KCNMA1: variants seen among roughly 807,000 people sequenced by gnomAD.
KCNMA1 encodes Calcium-activated potassium channel subunit alpha-1.
KCNMA1 carries 29 observed loss-of-function variants against 140.0 expected under a neutral mutation model. The ratio of observed to expected loss-of-function variants is 0.21; its 90% CI spans 0.15 to 0.28. KCNMA1 has a LOEUF of 0.28. KCNMA1 is among the 10% of genes least tolerant of loss of function. KCNMA1 has a pLI of 1.00. For missense variants in KCNMA1, 880 were observed against 1,602.2 expected, an observed-to-expected ratio of 0.55 and a Z score of 7.70; for synonymous variants, 612 against 611.9, an observed-to-expected ratio of 1.00 and a Z score of 0.00.
intron 15 of KCNMA1, among the ~76,000 whole-genome samples, chr10:77,037,518 A>G (rs746692201): frequency 6.6e-6 from 1 of 152,166 alleles, no homozygotes; most frequent in Non-Finnish European, 1.5e-5. Flanking sequence ...TGACCCTTCA[A>G]GTTACCCATA....
At chr10:77,404,700 C>G (rs868365464) in intron 1 of KCNMA1, among the ~76,000 whole-genome samples, 4 of 152,136 alleles carry the variant, frequency 2.6e-5, no homozygotes, top group Middle Eastern at 3.2e-3. Flanking sequence ...CACAGCAGCA[C>G]CCCCACTTTC....
chr10:77,591,670 G>A (rs779572412), intron 1 of KCNMA1, among the ~76,000 whole-genome samples: 5 of 152,150 alleles, frequency 3.3e-5, no homozygotes, highest in Non-Finnish European at 5.9e-5. Context: ...CCACTAACTG[G>A]ACACCTGTGT....
rs1235406167 is a variant in KCNMA1, at chr10:76,877,740, C to G, written c.3578G>C (p.Ter1193SerextTer?). ...AAAATAGTTCTGGTCTCCTGGGAGT[C>G]AACATTCATCTTCAACTTCTCTGAT... The change falls in exon 30 of 30, where the codon TGA (stop) becomes TCA (serine). Residue 1193 changes from the stop codon to serine, a stop_lost. Transcript: ENST00000372403. 5 of 1,552,440 alleles carry G rather than the reference C, an allele frequency of 3.2e-6. No homozygotes were observed. In the Admixed American group the frequency reaches 9.8e-5, roughly 30 times the overall value.
At chr10:77,363,866 GC>G (rs2094163243) in intron 2 of KCNMA1, among the ~76,000 whole-genome samples, 1 of 152,050 alleles carries the variant, frequency 6.6e-6, no homozygotes, top group South Asian at 2.1e-4. Context: ...TCCCACTCCT[GC>G]CCCCTTCTCT....
intron 1 of KCNMA1, among the ~76,000 whole-genome samples, chr10:77,573,083 G>A (rs1567631921): frequency 6.6e-6 from 1 of 152,132 alleles, no homozygotes; most frequent in Non-Finnish European, 1.5e-5. Context: ...GGGACTTCAG[G>A]TTGGGAATGA....
chr10:77,330,379 G>A (rs552028153), intron 2 of KCNMA1, among the ~76,000 whole-genome samples: 18 of 152,096 alleles, frequency 1.2e-4, no homozygotes, highest in South Asian at 2.1e-4. Flanking sequence ...AGGAGCCCAC[G>A]GGGCTCACAC....
chr10:76,996,198 G>A (rs1021133943), intron 19 of KCNMA1, among the ~76,000 whole-genome samples: 11 of 152,170 alleles, frequency 7.2e-5, no homozygotes, highest in African/African-American at 2.7e-4. Context: ...GCGATGTAAA[G>A]GATCCTTCTC....
chr10:77,004,213 CCACACACACA>C (rs35789536), intron 18 of KCNMA1, among the ~76,000 whole-genome samples: 18 of 144,366 alleles, frequency 1.2e-4, no homozygotes, highest in African/African-American at 2.3e-4. Flanking sequence ...ACAAGTGCCA[CCACACACACA>C]CACACACACA....
chr10:77,213,569 C>G (rs768944672), intron 3 of KCNMA1, among the ~76,000 whole-genome samples: 2 of 152,158 alleles, frequency 1.3e-5, no homozygotes, highest in African/African-American at 2.4e-5. Flanking sequence ...TGATCACACA[C>G]ACAATTACAA....
intron 2 of KCNMA1, among the ~76,000 whole-genome samples, chr10:77,369,724 T>C (rs896359467): frequency 3.9e-5 from 6 of 152,126 alleles, no homozygotes; most frequent in Non-Finnish European, 8.8e-5. Context: ...CCTGCTCTCT[T>C]TTTGGAAGTC....
At chr10:77,521,819 G>A (rs2053499800) in intron 1 of KCNMA1, among the ~76,000 whole-genome samples, 1 of 152,098 alleles carries the variant, frequency 6.6e-6, no homozygotes, top group Non-Finnish European at 1.5e-5. Context: ...CCTAGTGGGT[G>A]GTTATCACTT....
chr10:77,425,661 T>TGCTGACAACAGG (rs2154490538), intron 1 of KCNMA1, among the ~76,000 whole-genome samples: 1 of 152,340 alleles, frequency 6.6e-6, no homozygotes, highest in South Asian at 2.1e-4. Context: ...GGACTTCTGC[T>TGCTGACAACAGG]GCTGACAACA....
At chr10:77,540,753 C>T (rs776826488) in intron 1 of KCNMA1, among the ~76,000 whole-genome samples, 2 of 152,124 alleles carry the variant, frequency 1.3e-5, no homozygotes, top group South Asian at 2.1e-4. Flanking sequence ...GTAATCCCAG[C>T]ACTTCGGGAG....
At chr10:77,617,501 T>G (rs543797444) in intron 1 of KCNMA1, among the ~76,000 whole-genome samples, 45 of 152,272 alleles carry the variant, frequency 3.0e-4, no homozygotes, top group African/African-American at 1.1e-3. Context: ...TTTAAGAAGC[T>G]GAGTAGCTTT....
intron 1 of KCNMA1, among the ~76,000 whole-genome samples, chr10:77,620,342 T>C (rs2090996390): frequency 6.6e-6 from 1 of 152,130 alleles, no homozygotes; most frequent in African/African-American, 2.4e-5. Context: ...CAACTGCCAC[T>C]TTCCATGCAG....
At chr10:77,317,368 T>A (rs940944553) in intron 2 of KCNMA1, among the ~76,000 whole-genome samples, 2 of 152,190 alleles carry the variant, frequency 1.3e-5, no homozygotes, top group African/African-American at 4.8e-5. Flanking sequence ...CACTCATGCC[T>A]CTCATTGATA....
At chr10:77,185,830 A>T (rs2098845350) in intron 3 of KCNMA1, among the ~76,000 whole-genome samples, 1 of 152,164 alleles carries the variant, frequency 6.6e-6, no homozygotes, top group Non-Finnish European at 1.5e-5. Context: ...TAAACACTCA[A>T]AGCTGTGAAT....
chr10:77,424,850 C>T (rs2096942277), intron 1 of KCNMA1, among the ~76,000 whole-genome samples: 1 of 152,228 alleles, frequency 6.6e-6, no homozygotes, highest in African/African-American at 2.4e-5. Context: ...TCATCACAAC[C>T]CATTCATTTC....
chr10:77,286,821 CCT>C (rs2071136970), intron 2 of KCNMA1, among the ~76,000 whole-genome samples: 1 of 151,708 alleles, frequency 6.6e-6, no homozygotes, highest in East Asian at 1.9e-4. Flanking sequence ...TATACACCCT[CCT>C]CTCTCTTGAG....
Sources: allele counts gnomAD v4.1 joint callset (sites outside exome capture counted in the v4.1 genomes callset), GRCh38; gene constraint gnomAD v4.1.1; transcripts MANE v1.5; gene names NCBI Gene and HGNC (gene_info 2026-07-23, HGNC 2026-07-21).